Variants in COL21A1 observed in about 807,000 individuals in gnomAD.
The protein encoded by COL21A1 is collagen type XXI alpha 1 chain, also known as collagen alpha-1(XXI) chain.
Under a neutral mutation model 137.9 loss-of-function variants are expected in COL21A1, and 149 were observed. That is an observed-to-expected ratio of 1.08 (90% confidence interval 0.95 to 1.24). The LOEUF (loss-of-function observed/expected upper bound fraction) is 1.24, where lower values mean the gene tolerates loss of function less well. Among genes scored for constraint, COL21A1 ranks in the 50% most tolerant of loss-of-function variants. The pLI is 0.00. For synonymous variants in COL21A1, 456 were observed against 391.5 expected, an observed-to-expected ratio of 1.16 and a Z score of -1.95; for missense variants, 1,167 against 1,158.4, an observed-to-expected ratio of 1.01 and a Z score of -0.11.
At chr6:56,333,960 G>T (rs576430832) in intron 1 of COL21A1, among the ~76,000 whole-genome samples, 53 of 151,704 alleles carry the variant, frequency 3.5e-4, no homozygotes, top group Non-Finnish European at 5.9e-4. Flanking sequence ...TGATTCTGTT[G>T]TTTTGAGGGT....
chr6:56,057,418 G>A lies in COL21A1; in HGVS notation c.*239C>T, dbSNP rs1765426245. 4.2e-6 allele frequency: 2 copies of A among 474,034 alleles called. No individual in the cohort carries two copies. Among genetic ancestry groups the A allele is most frequent in the African/African-American group, 2.1e-5 (1 of 48,354 alleles). 29.4% of individuals were successfully genotyped at this position (474,034 alleles called of 1,614,324 possible). Reference sequence around the variant, plus strand: ...TATTCAACTTTGATTAACATAAATGGACTTTACAAGAAACCCTTGAGATTT... The same window carrying A: ...TATTCAACTTTGATTAACATAAATGAACTTTACAAGAAACCCTTGAGATTT... On this transcript the variant is annotated 3_prime_UTR_variant, in exon 30 of 30. Coordinates refer to ENST00000244728, the MANE Select transcript of COL21A1 (RefSeq NM_030820.4).
intron 1 of COL21A1, among the ~76,000 whole-genome samples, chr6:56,299,329 T>C (rs1764230109): frequency 2.6e-5 from 4 of 152,132 alleles, no homozygotes. Context: ...ATTTGAAAAA[T>C]TGATTTTACT....
intron 12 of COL21A1, among the ~76,000 whole-genome samples, chr6:56,134,135 T>A (rs1474815240): frequency 1.3e-5 from 2 of 152,120 alleles, no homozygotes; most frequent in East Asian, 3.9e-4. Flanking sequence ...AGACACTCAA[T>A]GCCAGACTGT....
chr6:56,180,564 G>A (rs1160776473), intron 2 of COL21A1, among the ~76,000 whole-genome samples: 2 of 152,142 alleles, frequency 1.3e-5, no homozygotes, highest in African/African-American at 4.8e-5. Context: ...TAGAGATAGA[G>A]ATTCTTGTTT....
At chr6:56,226,250 G>T (rs1375530580) in intron 1 of COL21A1, among the ~76,000 whole-genome samples, 2 of 151,926 alleles carry the variant, frequency 1.3e-5, no homozygotes, top group East Asian at 3.9e-4. Context: ...AAGTCACTTT[G>T]CTTTCTTCAC....
intron 16 of COL21A1, among the ~76,000 whole-genome samples, chr6:56,112,687 CTTT>C (rs779345756): frequency 8.0e-6 from 1 of 124,522 alleles, no homozygotes; most frequent in African/African-American, 2.9e-5. Flanking sequence ...TTTCTTTTTT[CTTT>C]TTTTTTTTTT....
At chr6:56,115,455 A>G (rs756730896) in intron 16 of COL21A1, among the ~76,000 whole-genome samples, 5 of 152,184 alleles carry the variant, frequency 3.3e-5, no homozygotes, top group Non-Finnish European at 5.9e-5. Flanking sequence ...AAGAACCACA[A>G]TGTTACTGGG....
Position 56,125,607 on chromosome 6 carries a change from G to A in COL21A1, c.1610C>T (p.Ala537Val), listed in dbSNP as rs1033511647. 2.5e-6 allele frequency: 4 copies of A among 1,589,130 alleles called. No homozygotes were observed. In the African/African-American group the frequency reaches 5.4e-5, roughly 21 times the overall value. Reference sequence around the variant, plus strand: ...TCCAGGTGATCCTTTGTCTCCTTTGGCACCCATTTCACCCTAAAAGACAAA... The same window carrying A: ...TCCAGGTGATCCTTTGTCTCCTTTGACACCCATTTCACCCTAAAAGACAAA... ...GMPGSKGEMGAKGDKGSPGFY... is the reference protein window; with the variant it reads ...GMPGSKGEMGVKGDKGSPGFY... Residue 537 changes from alanine (A) to valine (V), a missense_variant, in exon 14 of 30, where the codon GCC (alanine) becomes GTC (valine). Coordinates refer to ENST00000244728, the MANE Select transcript of COL21A1 (RefSeq NM_030820.4).
chr6:56,097,948 A>AATATATAAAT (rs1562188801), intron 17 of COL21A1, among the ~76,000 whole-genome samples: 1 of 71,898 alleles, frequency 1.4e-5, no homozygotes. Context: ...AATATATATA[A>AATATATAAAT]ATATAAAAAT....
At chr6:56,358,420 A>C (rs1259099306) in intron 1 of COL21A1, among the ~76,000 whole-genome samples, 1 of 152,162 alleles carries the variant, frequency 6.6e-6, no homozygotes, top group Non-Finnish European at 1.5e-5. Context: ...TAAACAATTG[A>C]TTTCACGTCT....
chr6:56,064,471 A>G (rs960855021), intron 24 of COL21A1, 107 bp downstream of exon 24: 2 of 726,784 alleles, frequency 2.8e-6, no homozygotes, highest in African/African-American at 3.6e-5. Context: ...TGCATACTAT[A>G]TTGTCCTTCT....
At chr6:56,388,762 G>A (rs933193394) in intron 1 of COL21A1, among the ~76,000 whole-genome samples, 1 of 152,202 alleles carries the variant, frequency 6.6e-6, no homozygotes, top group Non-Finnish European at 1.5e-5. Flanking sequence ...GAACATTCAG[G>A]AAAATTTGAC....
chr6:56,253,691 A>G (rs949389281), intron 1 of COL21A1, among the ~76,000 whole-genome samples: 1 of 152,224 alleles, frequency 6.6e-6, no homozygotes, highest in African/African-American at 2.4e-5. Flanking sequence ...TTGAACACGC[A>G]AAAGCAATTC....
At chr6:56,225,676 T>G (rs1402250251) in intron 1 of COL21A1, among the ~76,000 whole-genome samples, 1 of 152,094 alleles carries the variant, frequency 6.6e-6, no homozygotes, top group Non-Finnish European at 1.5e-5. Flanking sequence ...GATTCCAAAT[T>G]TTAAACATAT....
chr6:56,353,954 T>C (rs775920910), intron 1 of COL21A1, among the ~76,000 whole-genome samples: 2 of 152,256 alleles, frequency 1.3e-5, no homozygotes, highest in African/African-American at 4.8e-5. Context: ...ATAATTATTA[T>C]GTGTCAATTA....
chr6:56,169,823 C>G (rs924017853), intron 5 of COL21A1, among the ~76,000 whole-genome samples: 1 of 151,920 alleles, frequency 6.6e-6, no homozygotes, highest in Non-Finnish European at 1.5e-5. Flanking sequence ...TGTAAATACG[C>G]TCTTTGAAGG....
At chr6:56,207,404 A>G (rs1779864652) in intron 1 of COL21A1, among the ~76,000 whole-genome samples, 1 of 152,186 alleles carries the variant, frequency 6.6e-6, no homozygotes, top group African/African-American at 2.4e-5. Flanking sequence ...AATACTATAA[A>G]CACCTCTACA....
At chr6:56,126,620 G>C (rs533384363) in intron 12 of COL21A1, 71 of 153,022 alleles carry the variant, frequency 4.6e-4, no homozygotes, top group Non-Finnish European at 8.3e-4. Flanking sequence ...GAAGGTATCT[G>C]TTCATATGTG....
intron 1 of COL21A1, among the ~76,000 whole-genome samples, chr6:56,389,859 T>C (rs1457318343): frequency 2.6e-5 from 4 of 152,028 alleles, no homozygotes; most frequent in Non-Finnish European, 5.9e-5. Context: ...GAAGGAGAAA[T>C]AGACTTCCCC....
Sources: gnomAD v4.1 joint callset for allele counts (sites outside exome capture counted in the v4.1 genomes callset) on GRCh38, gnomAD v4.1.1 for gene constraint, MANE v1.5 for transcripts, NCBI Gene and HGNC (gene_info 2026-07-23, HGNC 2026-07-21) for gene names.